Variants in RAB2A observed in about 807,000 individuals in gnomAD.
RAB2A encodes ras-related protein Rab-2A.
In RAB2A, 7 loss-of-function variants were observed where a neutral mutation model predicts 32.5. The ratio of observed to expected loss-of-function variants is 0.22; its 90% CI spans 0.12 to 0.40. The LOEUF (loss-of-function observed/expected upper bound fraction) is 0.40. RAB2A is among the 10% of genes least tolerant of loss of function. The probability of loss-of-function intolerance (pLI) is 1.00; values close to 1 mark genes in which losing one functional copy is unlikely to be tolerated. For missense variants in RAB2A, 108 were observed against 260.7 expected (o/e 0.41, Z 4.03); for synonymous variants, 79 against 85.2 (o/e 0.93, Z 0.40).
In RAB2A at chr8:60,603,530, T is replaced by C. The variant is rs541373301; in HGVS notation, c.474+11561T>C. ...CTGTTGAGGGGGAAAAGAGGCAACGTGGTAAATGAATGCAAAGGATATCTC... is the reference window on the plus strand; with the variant it reads ...CTGTTGAGGGGGAAAAGAGGCAACGCGGTAAATGAATGCAAAGGATATCTC... On this transcript the variant is annotated intron_variant, in intron 6 of 7. Transcript: ENST00000262646. 3.3e-5 allele frequency among the ~76,000 whole-genome samples: 5 copies of C among 152,330 alleles called. No homozygotes were observed. The East Asian group carries it at 9.6e-4, about 29-fold the overall frequency.
intron 1 of RAB2A, among the ~76,000 whole-genome samples, chr8:60,529,268 T>G (rs866686321): frequency 5.2e-4 from 79 of 152,230 alleles, no homozygotes; most frequent in African/African-American, 1.6e-3. Flanking sequence ...GAAAATATTC[T>G]TGTGTGTGTA....
At chr8:60,574,562 T>G (rs1465403388) in intron 3 of RAB2A, among the ~76,000 whole-genome samples, 3 of 152,244 alleles carry the variant, frequency 2.0e-5, no homozygotes, top group Non-Finnish European at 4.4e-5. Flanking sequence ...GTCTGTAGGT[T>G]ATTTTAGTTT....
chr8:60,588,726 T>C (rs1205090324), intron 5 of RAB2A, among the ~76,000 whole-genome samples: 1 of 152,230 alleles, frequency 6.6e-6, no homozygotes, highest in Non-Finnish European at 1.5e-5. Flanking sequence ...GGGAGACTGA[T>C]GGCTTCACGG....
intron 1 of RAB2A, among the ~76,000 whole-genome samples, chr8:60,534,418 A>G (rs1453357131): frequency 6.6e-6 from 1 of 151,984 alleles, no homozygotes; most frequent in East Asian, 1.9e-4. Flanking sequence ...ATGATCACTG[A>G]TGCCTGTGAA....
intron 1 of RAB2A, among the ~76,000 whole-genome samples, chr8:60,547,188 T>C (rs1434035328): frequency 1.3e-5 from 2 of 152,024 alleles, no homozygotes; most frequent in South Asian, 2.1e-4. Flanking sequence ...ATACAGCACA[T>C]GTTTCAGAGA....
At chr8:60,605,108 G>T (rs913064191) in intron 6 of RAB2A, among the ~76,000 whole-genome samples, 1 of 152,104 alleles carries the variant, frequency 6.6e-6, no homozygotes, top group African/African-American at 2.4e-5. Context: ...ACTACTCCCT[G>T]CATCCCAGCC....
At chr8:60,592,684 A>G (rs1803962324) in intron 6 of RAB2A, among the ~76,000 whole-genome samples, 1 of 152,068 alleles carries the variant, frequency 6.6e-6, no homozygotes, top group African/African-American at 2.4e-5. Flanking sequence ...AACTATTGGA[A>G]CTTTTCTGAA....
At chr8:60,525,942 T>C (rs1807371352) in intron 1 of RAB2A, among the ~76,000 whole-genome samples, 1 of 146,968 alleles carries the variant, frequency 6.8e-6, no homozygotes, top group Non-Finnish European at 1.5e-5. Flanking sequence ...TATATATATG[T>C]CTATATATGT....
chr8:60,619,342 C>CT (rs1804495655), intron 7 of RAB2A, among the ~76,000 whole-genome samples: 1 of 152,148 alleles, frequency 6.6e-6, no homozygotes, highest in Non-Finnish European at 1.5e-5. Flanking sequence ...ATGTAGCCTA[C>CT]TTATTCTTAC....
chr8:60,605,155 A>G (rs1253269782), intron 6 of RAB2A, among the ~76,000 whole-genome samples: 1 of 152,168 alleles, frequency 6.6e-6, no homozygotes, highest in Non-Finnish European at 1.5e-5. Flanking sequence ...GGGCCCAGGA[A>G]GAGCTCGGGA....
At chr8:60,571,468 A>G (rs1014321014) in intron 2 of RAB2A, among the ~76,000 whole-genome samples, 3 of 152,208 alleles carry the variant, frequency 2.0e-5, no homozygotes, top group East Asian at 3.8e-4. Context: ...AATAAAAAGC[A>G]AATTGCAGAG....
At chr8:60,584,623 A>T (rs1803818992) in intron 4 of RAB2A, 100 bp from the exon 5 acceptor site, 1 of 934,608 alleles carries the variant, frequency 1.1e-6, no homozygotes, top group Admixed American at 2.5e-5. Context: ...ACATAAGTGG[A>T]TATGGCTAAA....
intron 2 of RAB2A, 145 bp from the exon 3 acceptor site, chr8:60,571,901 C>G (rs573655123): frequency 1.3e-5 from 6 of 466,046 alleles, no homozygotes; most frequent in Non-Finnish European, 2.3e-5. Flanking sequence ...TATGTATTTT[C>G]TAAGTATAGG....
chr8:60,597,343 A>G (rs1804045690), intron 6 of RAB2A, among the ~76,000 whole-genome samples: 1 of 152,194 alleles, frequency 6.6e-6, no homozygotes, highest in South Asian at 2.1e-4. Context: ...TAACACAGAA[A>G]TAGAAAACCA....
At chr8:60,586,036 C>T (rs1239052366) in intron 5 of RAB2A, among the ~76,000 whole-genome samples, 2 of 152,180 alleles carry the variant, frequency 1.3e-5, no homozygotes, top group Non-Finnish European at 2.9e-5. Flanking sequence ...TACAGTGGCT[C>T]ACACCTGTGA....
intron 6 of RAB2A, among the ~76,000 whole-genome samples, chr8:60,596,279 A>G (rs1804021945): frequency 1.3e-5 from 2 of 152,220 alleles, no homozygotes; most frequent in South Asian, 4.1e-4. Flanking sequence ...AATGGTAACA[A>G]AAGCCAAAAT....
At chr8:60,573,298 C>T (rs146917947) in intron 3 of RAB2A, among the ~76,000 whole-genome samples, 39 of 152,280 alleles carry the variant, frequency 2.6e-4, no homozygotes, top group Middle Eastern at 6.8e-3. Flanking sequence ...ATCATATACC[C>T]GTGGCCTATT....
intron 5 of RAB2A, among the ~76,000 whole-genome samples, chr8:60,590,680 A>G (rs1803928081): frequency 1.3e-5 from 2 of 151,024 alleles, no homozygotes; most frequent in South Asian, 4.2e-4. Flanking sequence ...AGAGAATTTA[A>G]GTTGTATTGC....
At chr8:60,518,518 T>C (rs1807247870) in intron 1 of RAB2A, among the ~76,000 whole-genome samples, 3 of 138,288 alleles carry the variant, frequency 2.2e-5, no homozygotes, top group African/African-American at 8.5e-5. Flanking sequence ...TAGCCGGGCG[T>C]CGTGGCAGGC....
Sources: gnomAD v4.1 joint callset for allele counts (sites outside exome capture counted in the v4.1 genomes callset) on GRCh38, gnomAD v4.1.1 for gene constraint, MANE v1.5 for transcripts, NCBI Gene and HGNC (gene_info 2026-07-23, HGNC 2026-07-21) for gene names.